SLTM: variants seen among roughly 807,000 people sequenced by gnomAD.
The protein encoded by SLTM is SAFB like transcription modulator, also known as SAFB-like transcription modulator.
In SLTM, 43 loss-of-function variants were observed where a neutral mutation model predicts 134.6. That is an observed-to-expected ratio of 0.32 (90% CI 0.25 to 0.41). The LOEUF is 0.41. Ranked by LOEUF, SLTM falls within the 10% of genes least tolerant of loss-of-function variation. The probability of loss-of-function intolerance (pLI) is 1.00; values close to 1 mark genes in which losing one functional copy is unlikely to be tolerated. For synonymous variants in SLTM, 424 were observed against 432.3 expected (o/e 0.98, Z 0.24); for missense variants, 1,055 against 1,288.8 (o/e 0.82, Z 2.78).
In SLTM at chr15:58,880,197, A is replaced by G. The variant is rs2033584569; in HGVS notation, c.2997-90T>C. 2.0e-6 allele frequency: 3 copies of G among 1,480,976 alleles called. No homozygotes were observed. In the Admixed American group the frequency reaches 6.8e-5, roughly 34 times the overall value. 91.7% of individuals were successfully genotyped at this position (1,480,976 alleles called of 1,614,324 possible). ...GGCACTGTTCTTGGTACTTTATCCA[A>G]AATAAATCATTTACTCTTTTCAACA... On this transcript the variant is annotated intron_variant, in intron 20 of 20. Transcript: ENST00000380516.
At chr15:58,897,369 T>A (rs1276485314) in intron 8 of SLTM, 136 bp from the exon 9 acceptor site, 1 of 558,320 alleles carries the variant, frequency 1.8e-6, no homozygotes, top group Non-Finnish European at 3.2e-6. Flanking sequence ...AGTTTACTAT[T>A]ATTGAAATCA....
intron 17 of SLTM, among the ~76,000 whole-genome samples, chr15:58,888,118 G>A (rs1222090884): frequency 4.6e-5 from 7 of 152,164 alleles, no homozygotes; most frequent in South Asian, 4.2e-4. Flanking sequence ...GCACCACTGC[G>A]TTCTAGCCTG....
chr15:58,913,267 GAATA>G (rs1213862643), intron 4 of SLTM, among the ~76,000 whole-genome samples: 1 of 152,022 alleles, frequency 6.6e-6, no homozygotes, highest in South Asian at 2.1e-4. Flanking sequence ...TGAAAATACA[GAATA>G]AATAGGAACT....
chr15:58,917,819 G>A (rs931053749), intron 2 of SLTM, among the ~76,000 whole-genome samples: 9 of 151,830 alleles, frequency 5.9e-5, no homozygotes, highest in Admixed American at 5.3e-4. Context: ...GCGCAATCTC[G>A]GCTCACTGTA....
chr15:58,885,911 T>G (rs1451640455), intron 19 of SLTM, among the ~76,000 whole-genome samples: 2 of 152,162 alleles, frequency 1.3e-5, no homozygotes, highest in Non-Finnish European at 1.5e-5. Context: ...TGGTATATAA[T>G]TTATGAAAGT....
chr15:58,900,423 G>A (rs1213886832), intron 6 of SLTM: 1 of 155,444 alleles, frequency 6.4e-6, no homozygotes, highest in African/African-American at 2.4e-5. Flanking sequence ...TTCAATGCTT[G>A]AGTAGTCCGG....
intron 2 of SLTM, among the ~76,000 whole-genome samples, chr15:58,917,586 G>T (rs1259829498): frequency 6.6e-6 from 1 of 152,068 alleles, no homozygotes; most frequent in Non-Finnish European, 1.5e-5. Context: ...TTCTCCAAAA[G>T]CCTAAATATA....
At chr15:58,904,380 G>A (rs1435210240) in intron 5 of SLTM, among the ~76,000 whole-genome samples, 2 of 151,948 alleles carry the variant, frequency 1.3e-5, no homozygotes, top group Admixed American at 1.3e-4. Flanking sequence ...TGCCAATTAG[G>A]GAATGACTAA....
At chr15:58,882,590 T>C (rs1385845460) in intron 20 of SLTM, among the ~76,000 whole-genome samples, 6 of 152,062 alleles carry the variant, frequency 3.9e-5, no homozygotes, top group African/African-American at 9.7e-5. Flanking sequence ...AATAAAAGAA[T>C]CTATATTTAT....
chr15:58,892,695 G>A (rs969869069), intron 14 of SLTM, among the ~76,000 whole-genome samples: 9 of 152,124 alleles, frequency 5.9e-5, no homozygotes, highest in Non-Finnish European at 1.5e-5. Flanking sequence ...CAGAACTGTT[G>A]AGTTGGAGAC....
intron 19 of SLTM, among the ~76,000 whole-genome samples, chr15:58,886,232 T>A (rs1369746038): frequency 1.6e-5 from 2 of 123,588 alleles, no homozygotes; most frequent in African/African-American, 6.6e-5. Context: ...TGTGTGTGTG[T>A]GTGTGTGTGT....
chr15:58,888,978 T>C (rs1228787357), intron 16 of SLTM, among the ~76,000 whole-genome samples: 1 of 150,788 alleles, frequency 6.6e-6, no homozygotes, highest in East Asian at 1.9e-4. Context: ...TTCCACCTAT[T>C]TCTCTACACA....
At chr15:58,903,862 A>G (rs1375563540) in intron 5 of SLTM, among the ~76,000 whole-genome samples, 1 of 152,258 alleles carries the variant, frequency 6.6e-6, no homozygotes, top group East Asian at 1.9e-4. Context: ...GTAGAACTGT[A>G]AACAGCTTAT....
At chr15:58,887,612 C>T in intron 17 of SLTM, 72 bp from the exon 18 acceptor site, 1 of 1,522,566 alleles carries the variant, frequency 6.6e-7, no homozygotes, top group Non-Finnish European at 8.8e-7. Context: ...TTAACTTTGT[C>T]TGCATAACCT....
chr15:58,893,696 T>C, intron 12 of SLTM, 125 bp downstream of exon 12: 1 of 1,032,890 alleles, frequency 9.7e-7, no homozygotes, highest in Non-Finnish European at 1.4e-6. Context: ...TAGACCTCCT[T>C]TCCTACCACA....
chr15:58,893,853 G>T lies in SLTM; in HGVS notation c.1616C>A (p.Ser539Ter). Residue 539 changes from serine (S) to a stop codon, truncating the protein, a stop_gained, in exon 12 of 21, where the codon TCG (serine) becomes TAG (stop). Transcript: ENST00000380516. LOFTEE classifies it high-confidence loss of function. ...DNGASGQTSE[S>*]IKKSEEKKRI... Reference sequence around the variant, plus strand: ...CTTCTTTTCTTCACTTTTTTTAATCGATTCTGATGTTTGGCCACTTGCTCC... The same window carrying T: ...CTTCTTTTCTTCACTTTTTTTAATCTATTCTGATGTTTGGCCACTTGCTCC... The T allele has an allele frequency of 6.2e-7, 1 of 1,610,006 alleles. No homozygotes were observed. The highest frequency in any genetic ancestry group is 8.5e-7 in the Non-Finnish European group (1 of 1,178,964).
At chr15:58,927,344 A>C (rs1308459837) in intron 2 of SLTM, among the ~76,000 whole-genome samples, 2 of 152,132 alleles carry the variant, frequency 1.3e-5, no homozygotes, top group Non-Finnish European at 2.9e-5. Flanking sequence ...ATCTCAGCTC[A>C]CTGCAACCTC....
In SLTM at chr15:58,890,380, T is replaced by C; in HGVS notation, c.1980A>G (p.Leu660=). The part of the protein sequence containing the change: ...IIREREERER[L]QRERERLEIE... The stretch of plus-strand genomic sequence containing the variant: ...TTTCTAGGCGCTCTCTCTCTCTCTG[T>C]AAGCGTTCCCGTTCTTCCCGTTCAC... The change falls in exon 15 of 21, where the codon TTA becomes TTG. Residue 660 remains leucine, a synonymous_variant. Transcript: ENST00000380516. The C allele has an allele frequency of 1.2e-6, 2 of 1,614,050 alleles. No homozygotes were observed. Among genetic ancestry groups the C allele is most frequent in the South Asian group, 2.2e-5 (2 of 91,074 alleles).
At chr15:58,902,929 T>C (rs1214913718) in intron 5 of SLTM, among the ~76,000 whole-genome samples, 1 of 151,498 alleles carries the variant, frequency 6.6e-6, no homozygotes, top group African/African-American at 2.4e-5. Flanking sequence ...TGAGACAGAG[T>C]CTCCCTCTAT....
Sources: gnomAD v4.1 joint callset for allele counts (sites outside exome capture counted in the v4.1 genomes callset) on GRCh38, gnomAD v4.1.1 for gene constraint, MANE v1.5 for transcripts, NCBI Gene and HGNC (gene_info 2026-07-23, HGNC 2026-07-21) for gene names.